The following GALNT13 variants were observed in gnomAD, a reference collection of about 807,000 sequenced individuals.
The protein encoded by GALNT13 is UDP-GalNAc:polypeptide N-acetylgalactosaminyltransferase 13.
GALNT13 carries 28 observed loss-of-function variants against 64.2 expected under a neutral mutation model. That is an observed-to-expected ratio of 0.44 (90% CI 0.32 to 0.60). The LOEUF (loss-of-function observed/expected upper bound fraction) is 0.60. GALNT13 is among the 20% of genes least tolerant of loss of function. The pLI is 0.05. For synonymous variants in GALNT13, 214 were observed against 224.6 expected (o/e 0.95, Z 0.42); for missense variants, 577 against 669.8 (o/e 0.86, Z 1.53).
the GALNT13 span, among the ~76,000 whole-genome samples, chr2:153,100,062 A>G: frequency 6.6e-6 from 1 of 152,238 alleles, no homozygotes; most frequent in Non-Finnish European, 1.5e-5. Flanking sequence ...ATAATTAACA[A>G]TGTAAACAAT....
Position 153,884,899 on chromosome 2 carries a change from C to T in GALNT13, c.-177+12596C>T, listed in dbSNP as rs146368144. ...CACACACACACATTTTTTAGCCGAG[C>T]GTCGTGGCACGCACTTCTAGTCCCA... On this transcript the variant is annotated intron_variant, in intron 1 of 12. Coordinates refer to ENST00000392825, the MANE Select transcript of GALNT13 (RefSeq NM_052917.4). Among the ~76,000 whole-genome samples, 594 of 144,196 alleles carry T rather than the reference C, an allele frequency of 4.1e-3. 4 individuals carry two copies. Among genetic ancestry groups the T allele is most frequent in the African/African-American group, 0.015 (566 of 38,780 alleles). 94.6% of individuals were successfully genotyped at this position (144,196 alleles called of 152,430 possible).
intron 4 of GALNT13, among the ~76,000 whole-genome samples, chr2:154,198,930 G>T (rs1191428506): frequency 2.6e-5 from 4 of 151,790 alleles, no homozygotes. Context: ...AAAAGGAGTA[G>T]GATCTAACTA....
the GALNT13 span, chr2:153,761,754 A>G: frequency 2.0e-5 from 3 of 153,556 alleles, no homozygotes; most frequent in African/African-American, 7.2e-5. Context: ...TGATATCTCC[A>G]TATTTGACAA....
chr2:154,274,949 G>T (rs918269299), intron 8 of GALNT13, among the ~76,000 whole-genome samples: 1 of 152,130 alleles, frequency 6.6e-6, no homozygotes, highest in African/African-American at 2.4e-5. Context: ...TCCAGGCTGA[G>T]GTGGTCTCAG....
At chr2:153,366,720 GACACACACACACACACACACAC>G in the GALNT13 span, among the ~76,000 whole-genome samples, 1,798 of 109,168 alleles carry the variant, frequency 0.016, 19 homozygotes, top group Middle Eastern at 0.044. Context: ...AGCACACAGG[GACACACACACACACACACACAC>G]ACACACACAC....
chr2:153,236,329 A>T, the GALNT13 span, among the ~76,000 whole-genome samples: 2 of 152,184 alleles, frequency 1.3e-5, no homozygotes, highest in Non-Finnish European at 2.9e-5. Context: ...GCTACACTAA[A>T]CAACAGGTTT....
chr2:153,687,175 G>T, the GALNT13 span, among the ~76,000 whole-genome samples: 1 of 151,960 alleles, frequency 6.6e-6, no homozygotes, highest in Non-Finnish European at 1.5e-5. Context: ...TTAGGGAGGA[G>T]TCCCTCCTCC....
At chr2:153,097,895 C>T in the GALNT13 span, among the ~76,000 whole-genome samples, 2 of 152,180 alleles carry the variant, frequency 1.3e-5, no homozygotes, top group Admixed American at 6.5e-5. Context: ...GTGAAACCCC[C>T]TCTCTGCTAG....
chr2:154,124,747 A>C (rs965329499), intron 3 of GALNT13, among the ~76,000 whole-genome samples: 1 of 152,118 alleles, frequency 6.6e-6, no homozygotes, highest in Non-Finnish European at 1.5e-5. Flanking sequence ...CCATGAGGTT[A>C]AGTTAAATCG....
chr2:154,214,681 G>A (rs572644603), intron 4 of GALNT13, among the ~76,000 whole-genome samples: 1 of 152,276 alleles, frequency 6.6e-6, no homozygotes, highest in South Asian at 2.1e-4. Context: ...CGCCATGTGT[G>A]AAGAAGGACA....
chr2:153,595,109 G>A, the GALNT13 span, among the ~76,000 whole-genome samples: 1 of 151,948 alleles, frequency 6.6e-6, no homozygotes, highest in East Asian at 1.9e-4. Context: ...TGGAGGGAGT[G>A]AAAAAATAGG....
At chr2:153,998,862 G>C (rs577185597) in intron 3 of GALNT13, among the ~76,000 whole-genome samples, 2 of 152,144 alleles carry the variant, frequency 1.3e-5, no homozygotes, top group Admixed American at 1.3e-4. Flanking sequence ...CATATGGTTA[G>C]CCAGTTTTCC....
At chr2:153,506,209 C>G in the GALNT13 span, among the ~76,000 whole-genome samples, 2 of 151,974 alleles carry the variant, frequency 1.3e-5, no homozygotes, top group Non-Finnish European at 2.9e-5. Context: ...TTTTCCACAC[C>G]TTTACCTTAG....
rs145516570 is a variant in GALNT13 at position 154,428,112 on chromosome 2, G to A, written c.1396-10480G>A. On this transcript the variant is annotated intron_variant, in intron 11 of 12. Coordinates refer to ENST00000392825, the MANE Select transcript of GALNT13 (RefSeq NM_052917.4). ...CTGGATTTTTGTTGACACACTTTTC[G>A]AATTGACTGCGTTCCAAATACCTAA... 2.9e-3 allele frequency among the ~76,000 whole-genome samples: 442 copies of A among 152,084 alleles called. 2 individuals are homozygous for A. The highest frequency in any genetic ancestry group is 9.6e-3 in the African/African-American group (400 of 41,466).
intron 3 of GALNT13, among the ~76,000 whole-genome samples, chr2:154,070,999 G>A (rs1048785122): frequency 4.6e-5 from 7 of 151,976 alleles, no homozygotes; most frequent in African/African-American, 1.7e-4. Context: ...CTTATGGATG[G>A]TTTAAAATGG....
intron 1 of GALNT13, among the ~76,000 whole-genome samples, chr2:153,895,812 C>T (rs530448643): frequency 3.3e-4 from 50 of 151,922 alleles, no homozygotes; most frequent in Middle Eastern, 3.4e-3. Context: ...GATATATGCA[C>T]AAGGACCTTC....
chr2:153,185,652 C>T, the GALNT13 span, among the ~76,000 whole-genome samples: 34 of 152,202 alleles, frequency 2.2e-4, no homozygotes, highest in Non-Finnish European at 4.0e-4. Flanking sequence ...TTCTGGTACA[C>T]GGTCTCTTTG....
At chr2:154,413,989 A>AT (rs1574262095) in intron 11 of GALNT13, among the ~76,000 whole-genome samples, 1 of 152,024 alleles carries the variant, frequency 6.6e-6, no homozygotes, top group East Asian at 1.9e-4. Context: ...TACAGGACAC[A>AT]TTTTTAATGG....
intron 4 of GALNT13, among the ~76,000 whole-genome samples, chr2:154,240,083 A>T (rs1689403374): frequency 6.6e-6 from 1 of 152,170 alleles, no homozygotes; most frequent in South Asian, 2.1e-4. Context: ...AGGTGAATAA[A>T]CTTCTGTTTC....
Sources: gnomAD v4.1 joint callset for allele counts (sites outside exome capture counted in the v4.1 genomes callset) on GRCh38, gnomAD v4.1.1 for gene constraint, MANE v1.5 for transcripts, NCBI Gene and HGNC (gene_info 2026-07-23, HGNC 2026-07-21) for gene names.